ANKRD30B: variants seen among roughly 807,000 people sequenced by gnomAD.
ANKRD30B encodes the protein ankyrin repeat domain 30B.
ANKRD30B carries 144 observed loss-of-function variants against 202.2 expected under a neutral mutation model. That is an observed-to-expected ratio of 0.71 (90% confidence interval 0.62 to 0.82). The LOEUF (loss-of-function observed/expected upper bound fraction) is 0.82, where lower values mean the gene tolerates loss of function less well. Among genes scored for constraint, ANKRD30B ranks in the 40% least tolerant of loss-of-function variants. ANKRD30B has a pLI of 0.00. For synonymous variants in ANKRD30B, 508 were observed against 561.3 expected (o/e 0.91, Z 1.34); for missense variants, 1,487 against 1,669.1 (o/e 0.89, Z 1.90).
chr18:14,846,033 A>G (rs1971623020), intron 39 of ANKRD30B, among the ~76,000 whole-genome samples: 1 of 150,596 alleles, frequency 6.6e-6, no homozygotes, highest in Non-Finnish European at 1.5e-5. Context: ...ACGAATATTT[A>G]TCCTTTCCTC....
chr18:14,845,973 A>T (rs1010442006), intron 39 of ANKRD30B, among the ~76,000 whole-genome samples: 7 of 152,130 alleles, frequency 4.6e-5, no homozygotes, highest in African/African-American at 1.7e-4. Context: ...CACCTCTGTG[A>T]TTTGATTTTG....
chr18:14,786,962 A>G, intron 14 of ANKRD30B, 77 bp from the exon 15 acceptor site: 1 of 1,417,876 alleles, frequency 7.1e-7, no homozygotes, highest in South Asian at 1.3e-5. Context: ...CGTGAATGAA[A>G]GTAGACTTGT....
the ANKRD30B span, among the ~76,000 whole-genome samples, chr18:14,938,101 C>A: frequency 1.3e-5 from 2 of 152,152 alleles, no homozygotes; most frequent in African/African-American, 4.8e-5. Context: ...CACTCCTCTC[C>A]CTACATGCCT....
rs1968879203 is a variant in ANKRD30B, at chr18:14,796,238, G to A, written c.1843G>A (p.Gly615Ser). 6.2e-7 allele frequency: 1 copy of A among 1,601,714 alleles called. No individual in the cohort carries two copies. The highest frequency in any genetic ancestry group is 1.1e-5 in the South Asian group (1 of 90,762). Residue 615 changes from glycine to serine, a missense_variant, in exon 17 of 44, where the codon GGT becomes AGT. By Grantham distance (56) the Gly-to-Ser change is moderately conservative. Around this residue, in one of 6 missense-constraint regions of ANKRD30B, gnomAD observed 889 missense variants for 841.4 expected, o/e 1.06. Coordinates refer to ENST00000690538, the MANE Select transcript of ANKRD30B (RefSeq NM_001367607.2). ...GKLEESPVKD[G>S]LLKPTCGRKV... Reference sequence around the variant, plus strand: ...ACGTTTAGAGTCTCCTGTTAAAGATGGTCTTCTGAAGGTAATAACTTTTAT... The same window carrying A: ...ACGTTTAGAGTCTCCTGTTAAAGATAGTCTTCTGAAGGTAATAACTTTTAT...
At chr18:14,883,423 A>ATC in the ANKRD30B span, 1 of 22,584 alleles carries the variant, frequency 4.4e-5, no homozygotes, top group African/African-American at 1.2e-4. Context: ...ATATATATAT[A>ATC]TATCTATATA....
intron 34 of ANKRD30B, among the ~76,000 whole-genome samples, chr18:14,832,994 T>C (rs1302768880): frequency 6.6e-6 from 1 of 152,138 alleles, no homozygotes; most frequent in Non-Finnish European, 1.5e-5. Flanking sequence ...TGTAGTGCAG[T>C]GGCGTGATCT....
At chr18:14,829,880 T>C (rs1050345390) in intron 33 of ANKRD30B, among the ~76,000 whole-genome samples, 2 of 152,102 alleles carry the variant, frequency 1.3e-5, no homozygotes, top group African/African-American at 4.8e-5. Flanking sequence ...TGAAGGTTGC[T>C]GAATTACATA....
At chr18:14,751,276 T>C (rs1383838642) in intron 1 of ANKRD30B, among the ~76,000 whole-genome samples, 2 of 152,072 alleles carry the variant, frequency 1.3e-5, no homozygotes, top group African/African-American at 4.8e-5. Flanking sequence ...ATAGCAGTTT[T>C]TTAAGATACT....
intron 12 of ANKRD30B, 55 bp from the exon 13 acceptor site, chr18:14,784,281 G>C (rs561097864): frequency 1.3e-6 from 2 of 1,540,410 alleles, no homozygotes; most frequent in East Asian, 4.5e-5. Flanking sequence ...GCATTCACTC[G>C]GTTGGCTTTG....
the ANKRD30B span, among the ~76,000 whole-genome samples, chr18:14,908,591 T>C: frequency 6.6e-6 from 1 of 152,128 alleles, no homozygotes; most frequent in African/African-American, 2.4e-5. Context: ...CCATCATCCA[T>C]GTGTTCGTGT....
rs1273625873 is a variant in ANKRD30B, at chr18:14,797,917, G to C, written c.2029+63G>C. On this transcript the variant is annotated intron_variant, in intron 20 of 43. Coordinates refer to ENST00000690538, the MANE Select transcript of ANKRD30B (RefSeq NM_001367607.2). ...AATATTAAACTATTTGAAATGCCAA[G>C]AGCCTTTTATTCCCAATGTTGTTTT... 3.0e-6 allele frequency: 4 copies of C among 1,332,922 alleles called. No individual in the cohort carries two copies. The South Asian group carries it at 5.7e-5, about 19-fold the overall frequency. 82.6% of individuals were successfully genotyped at this position (1,332,922 alleles called of 1,614,324 possible). A position where few individuals can be genotyped will look rare whatever the true frequency, so the allele number is the denominator to read the frequency against.
At chr18:14,877,191 G>C in the ANKRD30B span, among the ~76,000 whole-genome samples, 2 of 152,244 alleles carry the variant, frequency 1.3e-5, no homozygotes, top group Non-Finnish European at 2.9e-5. Flanking sequence ...AATCTGATTT[G>C]ACTTCCACTT....
In ANKRD30B at chr18:14,810,135, C is replaced by A. The variant is rs1160058370; in HGVS notation, c.2443C>A (p.Pro815Thr). 6.7e-7 allele frequency: 1 copy of A among 1,483,984 alleles called. No individual in the cohort carries two copies. 91.9% of individuals were successfully genotyped at this position (1,483,984 alleles called of 1,614,324 possible). The change falls in exon 28 of 44, where the codon CCA becomes ACA. Residue 815 changes from proline to threonine, a missense_variant. Pro to Thr is a conservative substitution (Grantham distance 38). Coordinates refer to ENST00000690538, the MANE Select transcript of ANKRD30B (RefSeq NM_001367607.2). ...TACCTGTGTAAGGAAAGTTTCTCTT[C>A]CAAATAAAGCCTTAGAATTAAAGGA... ...KPTCVRKVSL[P>T]NKALELKDRE...
At chr18:14,835,575 A>G (rs1345307614) in intron 34 of ANKRD30B, among the ~76,000 whole-genome samples, 1 of 151,586 alleles carries the variant, frequency 6.6e-6, no homozygotes, top group Non-Finnish European at 1.5e-5. Context: ...CACTTCTCCT[A>G]TGAATACTGA....
At chr18:14,919,615 C>T in the ANKRD30B span, among the ~76,000 whole-genome samples, 2 of 152,152 alleles carry the variant, frequency 1.3e-5, no homozygotes, top group Non-Finnish European at 2.9e-5. Context: ...CCATGGGGAA[C>T]TGAAGTGTTT....
At chr18:14,790,882 G>C (rs1968449471) in intron 15 of ANKRD30B, among the ~76,000 whole-genome samples, 1 of 151,964 alleles carries the variant, frequency 6.6e-6, no homozygotes, top group South Asian at 2.1e-4. Flanking sequence ...CCTGGCTTTG[G>C]TATCAGGATG....
rs1413020764 is a variant in ANKRD30B, at chr18:14,854,577, T to C, written c.*419T>C. Among the ~76,000 whole-genome samples, 1 of 152,218 alleles carries C rather than the reference T, an allele frequency of 6.6e-6. No homozygotes were observed. The highest frequency in any genetic ancestry group is 2.4e-5 in the African/African-American group (1 of 41,454). On this transcript the variant is annotated 3_prime_UTR_variant, in exon 44 of 44. Coordinates refer to ENST00000690538, the MANE Select transcript of ANKRD30B (RefSeq NM_001367607.2). ...GGACTGCAGAGTGTCATACATAGTT[T>C]TCAGTAAAATACTGGACAATAGAGT... is the stretch of plus-strand genomic sequence containing the variant.
intron 7 of ANKRD30B, 103 bp downstream of exon 7, chr18:14,764,193 T>C: frequency 8.1e-7 from 1 of 1,229,544 alleles, no homozygotes; most frequent in Non-Finnish European, 1.1e-6. Context: ...AATATCTAAA[T>C]AAGGCAAGCT....
intron 34 of ANKRD30B, among the ~76,000 whole-genome samples, chr18:14,835,296 G>A (rs114388799): frequency 0.01 from 1,534 of 151,604 alleles, 21 homozygotes; most frequent in African/African-American, 0.035. Flanking sequence ...CACATCAAAT[G>A]AATGTAATCA....
Sources: allele counts gnomAD v4.1 joint callset (sites outside exome capture counted in the v4.1 genomes callset), GRCh38; gene constraint gnomAD v4.1.1; regional missense constraint gnomAD v4.1.1; transcripts MANE v1.5; gene names NCBI Gene and HGNC (gene_info 2026-07-23, HGNC 2026-07-21).